The following PRPF18 variants were observed in gnomAD, a reference collection of about 807,000 sequenced individuals.
The protein encoded by PRPF18 is pre-mRNA processing factor 18, also known as pre-mRNA-splicing factor 18.
PRPF18 carries 38 observed loss-of-function variants against 46.5 expected under a neutral mutation model. That is an observed-to-expected ratio of 0.82 (90% CI 0.63 to 1.07). PRPF18 has a LOEUF of 1.07. PRPF18 is among the 50% of genes least tolerant of loss of function. The pLI is 0.00. For synonymous variants in PRPF18, 152 were observed against 146.7 expected (o/e 1.04, Z -0.26); for missense variants, 263 against 410.0 (o/e 0.64, Z 3.10).
chr10:13,591,160 C>T (rs561523298), intron 1 of PRPF18, among the ~76,000 whole-genome samples: 61 of 152,286 alleles, frequency 4.0e-4, no homozygotes, highest in African/African-American at 1.4e-3. Flanking sequence ...GGAACATACA[C>T]AACTAGGCGT....
intron 5 of PRPF18, among the ~76,000 whole-genome samples, chr10:13,610,422 G>C (rs181139651): frequency 6.6e-6 from 1 of 152,146 alleles, no homozygotes; most frequent in Non-Finnish European, 1.5e-5. Context: ...CTTTCTGTTT[G>C]TTGGTGCTCT....
chr10:13,630,508 C>A lies in PRPF18; in HGVS notation c.*168C>A. The stretch of plus-strand genomic sequence containing the variant: ...TTAAGAACTTTGTTGGCCTTCATTT[C>A]ATATCTGACTGCAAGCTGATTTTTC... On this transcript the variant is annotated 3_prime_UTR_variant, in exon 10 of 10. Coordinates refer to ENST00000378572, the MANE Select transcript of PRPF18 (RefSeq NM_003675.4). 2.3e-6 allele frequency: 1 copy of A among 428,934 alleles called. No homozygotes were observed. Among genetic ancestry groups the A allele is most frequent in the Non-Finnish European group, 4.2e-6 (1 of 240,844 alleles). 26.6% of individuals were successfully genotyped at this position (428,934 alleles called of 1,614,324 possible). A position where few individuals can be genotyped will look rare whatever the true frequency, so the allele number is the denominator to read the frequency against.
chr10:13,603,490 C>T (rs2080144346), intron 3 of PRPF18, among the ~76,000 whole-genome samples: 1 of 152,276 alleles, frequency 6.6e-6, no homozygotes, highest in East Asian at 1.9e-4. Context: ...ATATTATGCA[C>T]TCCTCACAAC....
At chr10:13,614,788 C>T (rs1344431200) in intron 8 of PRPF18, among the ~76,000 whole-genome samples, 1 of 152,116 alleles carries the variant, frequency 6.6e-6, no homozygotes, top group African/African-American at 2.4e-5. Context: ...AAGGGAAGGG[C>T]CCAATGCACC....
chr10:13,606,114 AT>A (rs1291631958), intron 4 of PRPF18, among the ~76,000 whole-genome samples: 1 of 152,142 alleles, frequency 6.6e-6, no homozygotes, highest in Non-Finnish European at 1.5e-5. Flanking sequence ...CAAACCTGTC[AT>A]CCTGCAGCTG....
chr10:13,635,150 C>A (rs1440132481), downstream of PRPF18, among the ~76,000 whole-genome samples: 7 of 152,152 alleles, frequency 4.6e-5, no homozygotes, highest in African/African-American at 1.4e-4. Flanking sequence ...GTGGTATTTG[C>A]TTTGCTGTTT....
chr10:13,592,118 A>G, intron 1 of PRPF18: 1 of 586,338 alleles, frequency 1.7e-6, no homozygotes, highest in Non-Finnish European at 3.1e-6. Context: ...ACTTCCTCTT[A>G]TACACAGCTT....
At chr10:13,595,672 C>A (rs1228094773) in intron 1 of PRPF18, among the ~76,000 whole-genome samples, 2 of 152,178 alleles carry the variant, frequency 1.3e-5, no homozygotes, top group African/African-American at 4.8e-5. Context: ...TATTTGCCCC[C>A]ACCGTACTCA....
chr10:13,601,126 G>T (rs551661848), intron 3 of PRPF18, among the ~76,000 whole-genome samples: 1 of 152,240 alleles, frequency 6.6e-6, no homozygotes, highest in East Asian at 1.9e-4. Flanking sequence ...CATTTAGATT[G>T]CTTATTATAA....
At chr10:13,593,625 G>A (rs955174592) in intron 1 of PRPF18, among the ~76,000 whole-genome samples, 4 of 152,200 alleles carry the variant, frequency 2.6e-5, no homozygotes, top group African/African-American at 7.2e-5. Context: ...ATGAATATGC[G>A]AAGGAGAAAA....
At position 13,605,513 on chromosome 10, in the gene PRPF18, C is replaced by T. The variant is rs575882878; in HGVS notation, c.250-118C>T. ...AGGAGAATCGCTTGAACCTGGGAGG[C>T]GGAGCTTGCAGTGAGCCGAGATCGC... On this transcript the variant is annotated intron_variant, in intron 3 of 9. Transcript: ENST00000378572. 1.8e-3 allele frequency: 1,924 copies of T among 1,054,582 alleles called. 4 individuals are homozygous for T. The highest frequency in any genetic ancestry group is 2.6e-3 in the Middle Eastern group (7 of 2,678). The allele number at this position is 1,054,582 out of a possible 1,614,324, so 65.3% of individuals were successfully genotyped here. A position where few individuals can be genotyped will look rare whatever the true frequency, so the allele number is the denominator to read the frequency against.
At chr10:13,625,571 G>T (rs1262583257) in intron 9 of PRPF18, among the ~76,000 whole-genome samples, 1 of 152,124 alleles carries the variant, frequency 6.6e-6, no homozygotes, top group Admixed American at 6.5e-5. Context: ...AAGAATTAAT[G>T]TAAGAAAACG....
At chr10:13,621,446 C>T (rs1037408050) in intron 9 of PRPF18, among the ~76,000 whole-genome samples, 7 of 152,146 alleles carry the variant, frequency 4.6e-5, no homozygotes, top group Non-Finnish European at 7.4e-5. Context: ...TCGCTTCTCT[C>T]GGGTGGCTGT....
chr10:13,645,047 C>T, the PRPF18 span: 9,081 of 152,020 alleles, frequency 0.06, 341 homozygotes, highest in Middle Eastern at 0.078. Context: ...GGCCACGGCC[C>T]GCCTTGTCCC....
chr10:13,629,990 A>G (rs567786885), intron 9 of PRPF18, among the ~76,000 whole-genome samples: 1 of 152,204 alleles, frequency 6.6e-6, no homozygotes, highest in African/African-American at 2.4e-5. Context: ...TGAGCACACT[A>G]AAGTTTTTTT....
chr10:13,622,779 A>G (rs889845738), intron 9 of PRPF18, among the ~76,000 whole-genome samples: 5 of 152,190 alleles, frequency 3.3e-5, no homozygotes, highest in African/African-American at 1.2e-4. Flanking sequence ...TGGGCTTCTT[A>G]TTAGAACCAG....
At chr10:13,597,798 T>A (rs2080056598) in intron 2 of PRPF18, 3 of 220,024 alleles carry the variant, frequency 1.4e-5, no homozygotes, top group South Asian at 9.2e-5. Flanking sequence ...AAAGCTTGAA[T>A]TTTTTTTTTT....
chr10:13,626,723 G>A (rs978704752), intron 9 of PRPF18, among the ~76,000 whole-genome samples: 1 of 152,120 alleles, frequency 6.6e-6, no homozygotes, highest in Non-Finnish European at 1.5e-5. Flanking sequence ...GTTTGAAAAG[G>A]GTTGCCTGTG....
At position 13,591,511 on chromosome 10, in the gene PRPF18, C is replaced by T. The variant is rs541706571; in HGVS notation, c.66+4359C>T. ...CATGAGTCGGGGCAAACACAGATCG[C>T]AGGTAGTCCTGGAGCTTAGGAATAG... On this transcript the variant is annotated intron_variant, in intron 1 of 9. Transcript: ENST00000378572. 74 of 709,594 alleles carry T rather than the reference C, an allele frequency of 1.0e-4. 1 individual carries two copies. In the African/African-American group the frequency reaches 1.1e-3, roughly 10 times the overall value. The allele number at this position is 709,594 out of a possible 1,614,324, so 44.0% of individuals were successfully genotyped here. A position where few individuals can be genotyped will look rare whatever the true frequency, so the allele number is the denominator to read the frequency against.
Sources: allele counts gnomAD v4.1 joint callset (sites outside exome capture counted in the v4.1 genomes callset), GRCh38; gene constraint gnomAD v4.1.1; transcripts MANE v1.5; gene names NCBI Gene and HGNC (gene_info 2026-07-23, HGNC 2026-07-21).